ANKRD30B: variants seen among roughly 807,000 people sequenced by gnomAD.
The protein encoded by ANKRD30B is ankyrin repeat domain-containing protein 30B.
A neutral mutation model predicts 202.2 loss-of-function variants in ANKRD30B; 144 were observed. That is an observed-to-expected ratio of 0.71 (90% CI 0.62 to 0.82). ANKRD30B has a LOEUF of 0.82. Ranked by LOEUF, ANKRD30B falls within the 40% of genes least tolerant of loss-of-function variation. The pLI is 0.00. For synonymous variants in ANKRD30B, 508 were observed against 561.3 expected, an observed-to-expected ratio of 0.91 and a Z score of 1.34; for missense variants, 1,487 against 1,669.1, an observed-to-expected ratio of 0.89 and a Z score of 1.90.
At chr18:14,796,304 A>G (rs757556334) in intron 17 of ANKRD30B, 39 bp from the exon 18 acceptor site, 9 of 1,609,552 alleles carry the variant, frequency 5.6e-6, no homozygotes, top group Non-Finnish European at 7.6e-6. Flanking sequence ...TAGGAAGCAT[A>G]TATTATGTAT....
chr18:14,760,513 T>A, intron 5 of ANKRD30B, 41 bp from the exon 6 acceptor site: 1 of 1,121,048 alleles, frequency 8.9e-7, no homozygotes, highest in Non-Finnish European at 1.3e-6. Flanking sequence ...TTTTATATCT[T>A]GTTAAAATAG....
chr18:14,933,777 C>T, the ANKRD30B span, among the ~76,000 whole-genome samples: 3 of 152,098 alleles, frequency 2.0e-5, no homozygotes, highest in East Asian at 5.8e-4. Flanking sequence ...GGAGGGAAGG[C>T]GCATTGAGAC....
At chr18:14,876,489 AT>A in the ANKRD30B span, among the ~76,000 whole-genome samples, 5 of 152,190 alleles carry the variant, frequency 3.3e-5, no homozygotes, top group Admixed American at 6.5e-5. Context: ...CTAACTTAGG[AT>A]TCTGCTCCTG....
chr18:14,794,682 C>G (rs1027889559), intron 16 of ANKRD30B, among the ~76,000 whole-genome samples: 1 of 152,108 alleles, frequency 6.6e-6, no homozygotes, highest in African/African-American at 2.4e-5. Context: ...CAATTTTAAG[C>G]ACTTTTTTTC....
the ANKRD30B span, among the ~76,000 whole-genome samples, chr18:14,875,067 G>A: frequency 2.6e-5 from 4 of 152,098 alleles, no homozygotes; most frequent in Admixed American, 2.0e-4. Flanking sequence ...ATGAGCAGAC[G>A]TTTTCACCAG....
chr18:14,828,609 C>G (rs1356171475), intron 33 of ANKRD30B, among the ~76,000 whole-genome samples: 2 of 152,170 alleles, frequency 1.3e-5, no homozygotes, highest in Non-Finnish European at 2.9e-5. Flanking sequence ...CTTCCCTTCC[C>G]CCTTGGCATA....
At chr18:14,766,472 C>CAAAAAAAAAAAAAAAAAA (rs1168681924) in intron 7 of ANKRD30B, among the ~76,000 whole-genome samples, 3 of 55,594 alleles carry the variant, frequency 5.4e-5, no homozygotes, top group African/African-American at 2.0e-4. Flanking sequence ...GACTCCATCT[C>CAAAAAAAAAAAAAAAAAA]AAAAAAAAAA....
chr18:14,823,929 C>T (rs1445065354), intron 32 of ANKRD30B, among the ~76,000 whole-genome samples: 4 of 152,134 alleles, frequency 2.6e-5, no homozygotes, highest in East Asian at 3.9e-4. Context: ...GAGCAAAGAT[C>T]GTGCCACTCC....
chr18:14,808,832 T>C (rs1401248075), intron 26 of ANKRD30B, 88 bp downstream of exon 26: 6 of 1,289,326 alleles, frequency 4.7e-6, no homozygotes, highest in Non-Finnish European at 6.3e-6. Context: ...AATGTTGTTT[T>C]CTTTAGAAAA....
At chr18:14,810,500 T>G (rs1352610764) in intron 28 of ANKRD30B, among the ~76,000 whole-genome samples, 1 of 151,210 alleles carries the variant, frequency 6.6e-6, no homozygotes, top group Non-Finnish European at 1.5e-5. Context: ...TTTTCAGTGG[T>G]TCAAATGCTG....
At chr18:14,892,015 A>G in the ANKRD30B span, among the ~76,000 whole-genome samples, 1 of 152,266 alleles carries the variant, frequency 6.6e-6, no homozygotes, top group South Asian at 2.1e-4. Flanking sequence ...TATGACAAAA[A>G]CTGTAATTAC....
the ANKRD30B span, among the ~76,000 whole-genome samples, chr18:14,881,180 C>T: frequency 6.6e-6 from 1 of 152,174 alleles, no homozygotes; most frequent in African/African-American, 2.4e-5. Flanking sequence ...AAAGGGAATG[C>T]TTTCACCTTT....
chr18:14,925,140 T>C, the ANKRD30B span, among the ~76,000 whole-genome samples: 2 of 152,030 alleles, frequency 1.3e-5, no homozygotes, highest in African/African-American at 4.8e-5. Flanking sequence ...ACATCGACAT[T>C]TTGGGGAAGA....
rs1968340086 is a variant in ANKRD30B at position 14,789,765 on chromosome 18, C to A, written c.1735-1636C>A. ...ATTGATCTATATCTCTGTTTTGGTA[C>A]CAGTACCACGCTGTTTTGGTCACTG... On this transcript the variant is annotated intron_variant, in intron 15 of 43. Transcript: ENST00000690538. Among the ~76,000 whole-genome samples the A allele has an allele frequency of 2.0e-5, 3 of 152,138 alleles. No individual in the cohort carries two copies. In the South Asian group the frequency reaches 6.2e-4, roughly 32 times the overall value.
chr18:14,749,424 C>A (rs555694759), intron 1 of ANKRD30B, among the ~76,000 whole-genome samples: 1 of 152,198 alleles, frequency 6.6e-6, no homozygotes, highest in East Asian at 1.9e-4. Flanking sequence ...GTAATCCCAG[C>A]ACTTTGGGCG....
chr18:14,866,973 C>T, the ANKRD30B span, among the ~76,000 whole-genome samples: 1 of 5,668 alleles, frequency 1.8e-4, no homozygotes, highest in African/African-American at 2.0e-4. Flanking sequence ...AACTGGCAGG[C>T]AGTCCGGGGG....
intron 6 of ANKRD30B, among the ~76,000 whole-genome samples, chr18:14,762,838 G>T (rs1304580016): frequency 1.3e-5 from 2 of 152,140 alleles, no homozygotes; most frequent in African/African-American, 4.8e-5. Flanking sequence ...TATAAGTTAG[G>T]TTTGGCAAGT....
At chr18:14,900,009 T>C in the ANKRD30B span, among the ~76,000 whole-genome samples, 2 of 152,178 alleles carry the variant, frequency 1.3e-5, no homozygotes, top group African/African-American at 4.8e-5. Flanking sequence ...ATATTTGATG[T>C]GTTTGTGGAG....
downstream of ANKRD30B, among the ~76,000 whole-genome samples, chr18:14,854,789 T>TC (rs751095171): frequency 2.1e-4 from 32 of 150,490 alleles, no homozygotes; most frequent in East Asian, 9.8e-4. Flanking sequence ...GTCCCAAGAC[T>TC]CCAAGTTCCT....
Sources: allele counts gnomAD v4.1 joint callset (sites outside exome capture counted in the v4.1 genomes callset), GRCh38; gene constraint gnomAD v4.1.1; transcripts MANE v1.5; gene names NCBI Gene and HGNC (gene_info 2026-07-23, HGNC 2026-07-21).